The following PAAF1 variants were observed in gnomAD, a reference collection of about 807,000 sequenced individuals.
The protein encoded by PAAF1 is proteasomal ATPase associated factor 1, also known as proteasomal ATPase-associated factor 1.
A neutral mutation model predicts 52.8 loss-of-function variants in PAAF1; 46 were observed. The observed-to-expected ratio is 0.87, with a 90% CI of 0.69 to 1.11. The LOEUF (loss-of-function observed/expected upper bound fraction) is 1.11, where lower values mean the gene tolerates loss of function less well. Among genes scored for constraint, PAAF1 ranks in the 50% most tolerant of loss-of-function variants. PAAF1 has a pLI of 0.00. For synonymous variants in PAAF1, 178 were observed against 172.8 expected (o/e 1.03, Z -0.24); for missense variants, 424 against 477.4 (o/e 0.89, Z 1.04).
chr11:73,882,746 G>C (rs1948952614), intron 2 of PAAF1, among the ~76,000 whole-genome samples: 1 of 151,908 alleles, frequency 6.6e-6, no homozygotes, highest in Non-Finnish European at 1.5e-5. Context: ...GGGATTACAG[G>C]TGTCCGCCAC....
intron 6 of PAAF1, among the ~76,000 whole-genome samples, chr11:73,904,418 A>T (rs940312407): frequency 1.5e-4 from 23 of 152,312 alleles, no homozygotes; most frequent in African/African-American, 5.5e-4. Context: ...ATAATCAGTG[A>T]AACATTGAGA....
chr11:73,899,521 T>C (rs1949535433), intron 5 of PAAF1, among the ~76,000 whole-genome samples: 1 of 151,598 alleles, frequency 6.6e-6, no homozygotes, highest in East Asian at 1.9e-4. Context: ...AAGCGATTCT[T>C]GTGCCTCAGC....
At chr11:73,908,746 T>C (rs1949846281) in intron 6 of PAAF1, among the ~76,000 whole-genome samples, 1 of 151,980 alleles carries the variant, frequency 6.6e-6, no homozygotes, top group Non-Finnish European at 1.5e-5. Flanking sequence ...AACTTTTTTT[T>C]CCTCCAAAGT....
At chr11:73,880,578 T>C (rs1347016056) in intron 2 of PAAF1, 3 of 145,750 alleles carry the variant, frequency 2.1e-5, no homozygotes, top group Non-Finnish European at 4.5e-5. Context: ...TCCCAGCTAC[T>C]CGGGAGCCTG....
chr11:73,886,658 G>A (rs1422562108), intron 2 of PAAF1, among the ~76,000 whole-genome samples: 2 of 110,556 alleles, frequency 1.8e-5, no homozygotes, highest in African/African-American at 3.6e-5. Flanking sequence ...GGGCGACAGA[G>A]CAAGACTCCA....
At chr11:73,883,704 A>T (rs1315219665) in intron 2 of PAAF1, among the ~76,000 whole-genome samples, 1 of 151,812 alleles carries the variant, frequency 6.6e-6, no homozygotes. Flanking sequence ...TTCAGTAGAG[A>T]CGAACGAGGT....
rs1320626205 is a variant in PAAF1, at chr11:73,883,388, C to T, written c.89-3966C>T. Among the ~76,000 whole-genome samples, 6 of 152,178 alleles carry T rather than the reference C, an allele frequency of 3.9e-5. No individual in the cohort carries two copies. In the South Asian group the frequency reaches 1.0e-3, roughly 26 times the overall value. On this transcript the variant is annotated intron_variant, in intron 2 of 11. Transcript: ENST00000310571. ...TATACCCATTAACAGTCACTTTCCA[C>T]CCCCCAATCCTAGCAACCACTAGTT...
chr11:73,909,309 G>C lies in PAAF1; in HGVS notation c.533-90G>C, dbSNP rs1171508490. 6.0e-6 allele frequency: 7 copies of C among 1,163,052 alleles called. No individual in the cohort carries two copies. The South Asian group carries it at 9.8e-5, about 16-fold the overall frequency. 72.0% of individuals were successfully genotyped at this position (1,163,052 alleles called of 1,614,324 possible). Reference sequence around the variant, plus strand: ...ACCTGTTCAGAACATGTTTGTGAAGGGATGGAGTCATTTATGCAGCTCCAT... The same window carrying C: ...ACCTGTTCAGAACATGTTTGTGAAGCGATGGAGTCATTTATGCAGCTCCAT... On this transcript the variant is annotated intron_variant, in intron 6 of 11. Transcript: ENST00000310571.
intron 3 of PAAF1, among the ~76,000 whole-genome samples, chr11:73,889,636 TG>T (rs755666761): frequency 1.2e-4 from 19 of 152,202 alleles, no homozygotes; most frequent in Non-Finnish European, 2.5e-4. Flanking sequence ...TCCAAAGAAA[TG>T]AAGTCTTCTG....
At chr11:73,877,421 A>T (rs1191788785) in intron 1 of PAAF1, 8 of 183,260 alleles carry the variant, frequency 4.4e-5, no homozygotes, top group Non-Finnish European at 9.0e-5. Context: ...ACTCACCACC[A>T]CTTTGTGTAT....
chr11:73,901,675 T>G (rs1235651190), intron 6 of PAAF1, among the ~76,000 whole-genome samples: 1 of 151,682 alleles, frequency 6.6e-6, no homozygotes, highest in African/African-American at 2.4e-5. Flanking sequence ...TGATCTCAGC[T>G]CAGTGTAACC....
At chr11:73,911,379 C>T (rs779181342) in intron 7 of PAAF1, among the ~76,000 whole-genome samples, 16 of 152,224 alleles carry the variant, frequency 1.1e-4, no homozygotes, top group Non-Finnish European at 2.4e-4. Flanking sequence ...GACAGGGTCT[C>T]ACTATGTTGC....
At chr11:73,893,840 C>T (rs1254620138) in intron 4 of PAAF1, among the ~76,000 whole-genome samples, 1 of 151,888 alleles carries the variant, frequency 6.6e-6, no homozygotes, top group East Asian at 1.9e-4. Flanking sequence ...AGGAGAATCA[C>T]TTGAGCCCAA....
chr11:73,917,558 C>T (rs1457545410), intron 9 of PAAF1, among the ~76,000 whole-genome samples: 1 of 152,136 alleles, frequency 6.6e-6, no homozygotes, highest in Non-Finnish European at 1.5e-5. Flanking sequence ...GTTCAAGGCA[C>T]TGAAAACCAG....
intron 10 of PAAF1, among the ~76,000 whole-genome samples, chr11:73,923,775 CTA>C (rs1292554479): frequency 6.6e-6 from 1 of 152,072 alleles, no homozygotes; most frequent in Non-Finnish European, 1.5e-5. Flanking sequence ...TAGATCACCC[CTA>C]TGATTCATTT....
rs550105273 is a variant in PAAF1 at position 73,884,920 on chromosome 11, C to T, written c.89-2434C>T. Among the ~76,000 whole-genome samples the T allele has an allele frequency of 4.0e-5, 6 of 149,010 alleles. No individual in the cohort carries two copies. The South Asian group carries it at 6.4e-4, about 16-fold the overall frequency. ...TGTCGCCCAGGCTGGAGTGCAGTGGCGGGATCTCGGCTCACTGCAAGTTCC... is the reference window on the plus strand; with the variant it reads ...TGTCGCCCAGGCTGGAGTGCAGTGGTGGGATCTCGGCTCACTGCAAGTTCC... On this transcript the variant is annotated intron_variant, in intron 2 of 11. Coordinates refer to ENST00000310571, the MANE Select transcript of PAAF1 (RefSeq NM_025155.3).
At chr11:73,913,429 T>C (rs1591112941) in intron 7 of PAAF1, among the ~76,000 whole-genome samples, 1 of 152,188 alleles carries the variant, frequency 6.6e-6, no homozygotes, top group Non-Finnish European at 1.5e-5. Flanking sequence ...ATCCCATCTC[T>C]ATAAAAAATA....
intron 10 of PAAF1, among the ~76,000 whole-genome samples, chr11:73,923,255 T>C (rs34578576): frequency 0.056 from 8,587 of 152,066 alleles, 272 homozygotes; most frequent in Middle Eastern, 0.099. Flanking sequence ...TGGAAAACAG[T>C]TGTTCAGATT....
At chr11:73,906,857 G>T (rs1452197123) in intron 6 of PAAF1, among the ~76,000 whole-genome samples, 1 of 152,178 alleles carries the variant, frequency 6.6e-6, no homozygotes, top group Non-Finnish European at 1.5e-5. Flanking sequence ...GTATGCTAAA[G>T]ACCACTAATT....
Sources: gnomAD v4.1 joint callset for allele counts (sites outside exome capture counted in the v4.1 genomes callset) on GRCh38, gnomAD v4.1.1 for gene constraint, MANE v1.5 for transcripts, NCBI Gene and HGNC (gene_info 2026-07-23, HGNC 2026-07-21) for gene names.